The following GRIN3A variants were observed in gnomAD, a reference collection of about 807,000 sequenced individuals.
The protein encoded by GRIN3A is glutamate ionotropic receptor NMDA type subunit 3A, also known as glutamate receptor ionotropic, NMDA 3A.
Under a neutral mutation model 92.4 loss-of-function variants are expected in GRIN3A, and 47 were observed. The ratio of observed to expected loss-of-function variants is 0.51; its 90% CI spans 0.40 to 0.65. The LOEUF (loss-of-function observed/expected upper bound fraction) is 0.65, where lower values mean the gene tolerates loss of function less well. GRIN3A is among the 30% of genes least tolerant of loss of function. GRIN3A has a pLI of 0.00. For synonymous variants in GRIN3A, 527 were observed against 540.6 expected (o/e 0.97, Z 0.35); for missense variants, 1,324 against 1,393.1 (o/e 0.95, Z 0.79).
At chr9:101,645,663 C>A (rs1828928050) in intron 3 of GRIN3A, among the ~76,000 whole-genome samples, 1 of 149,318 alleles carries the variant, frequency 6.7e-6, no homozygotes, top group Admixed American at 6.7e-5. Context: ...TCCAATTTCT[C>A]TGCATCCTTG....
chr9:101,683,673 C>T (rs1829491272), intron 2 of GRIN3A, among the ~76,000 whole-genome samples: 2 of 152,108 alleles, frequency 1.3e-5, no homozygotes, highest in South Asian at 4.1e-4. Flanking sequence ...GTTCATTTCT[C>T]AAACACATTC....
intron 6 of GRIN3A, among the ~76,000 whole-genome samples, chr9:101,590,647 G>A (rs947115601): frequency 2.6e-5 from 4 of 151,702 alleles, no homozygotes; most frequent in African/African-American, 7.3e-5. Context: ...CCCAAAGTGC[G>A]GGGATTACAG....
At chr9:101,694,031 A>T (rs1056677000) in intron 1 of GRIN3A, among the ~76,000 whole-genome samples, 2 of 152,200 alleles carry the variant, frequency 1.3e-5, no homozygotes, top group African/African-American at 4.8e-5. Context: ...AGAGCAGTAC[A>T]ATATAATGAA....
chr9:101,688,935 A>C (rs1203526854), intron 1 of GRIN3A, among the ~76,000 whole-genome samples: 1 of 152,130 alleles, frequency 6.6e-6, no homozygotes, highest in Non-Finnish European at 1.5e-5. Context: ...AAAAGAGAGA[A>C]AGGTCTCAAA....
At chr9:101,626,055 T>C (rs916433554) in intron 4 of GRIN3A, among the ~76,000 whole-genome samples, 32 of 152,302 alleles carry the variant, frequency 2.1e-4, no homozygotes, top group African/African-American at 5.1e-4. Flanking sequence ...TCAGACTCCA[T>C]TGGGACCCTG....
intron 6 of GRIN3A, among the ~76,000 whole-genome samples, chr9:101,586,072 T>C (rs1484664062): frequency 6.6e-6 from 1 of 152,232 alleles, no homozygotes; most frequent in Non-Finnish European, 1.5e-5. Context: ...TCAATATTGC[T>C]CCTTCCCTCA....
At chr9:101,696,677 G>A (rs1829688948) in intron 1 of GRIN3A, among the ~76,000 whole-genome samples, 1 of 152,096 alleles carries the variant, frequency 6.6e-6, no homozygotes, top group South Asian at 2.1e-4. Context: ...GGGAACTATT[G>A]AAATATGCAC....
In GRIN3A at chr9:101,577,864, C is replaced by A. The variant is rs1405491043; in HGVS notation, c.2932-20G>T. 4.5e-6 allele frequency: 7 copies of A among 1,566,776 alleles called. No individual in the cohort carries two copies. The highest frequency in any genetic ancestry group is 1.4e-5 in the African/African-American group (1 of 74,072). The stretch of plus-strand genomic sequence containing the variant: ...TAATCTCTGATGGAGAAAACAGATT[C>A]ACAGGTAGAAATTATGAGAAACACA... On this transcript the variant is annotated intron_variant, in intron 7 of 8. Transcript: ENST00000361820.
intron 6 of GRIN3A, among the ~76,000 whole-genome samples, chr9:101,603,883 G>A (rs545325624): frequency 6.6e-6 from 1 of 152,216 alleles, no homozygotes; most frequent in Non-Finnish European, 1.5e-5. Flanking sequence ...TCCGCTACAG[G>A]GGTTACCTCC....
At chr9:101,715,841 C>T (rs918490778) in intron 1 of GRIN3A, among the ~76,000 whole-genome samples, 8 of 152,006 alleles carry the variant, frequency 5.3e-5, no homozygotes, top group Non-Finnish European at 8.8e-5. Context: ...CCCAGAAAAA[C>T]AAAAATTGGA....
chr9:101,678,486 G>A (rs1019173533), intron 2 of GRIN3A, among the ~76,000 whole-genome samples: 12 of 152,132 alleles, frequency 7.9e-5, no homozygotes, highest in East Asian at 3.9e-4. Context: ...TTGCATACAA[G>A]GCTCATCTTT....
intron 1 of GRIN3A, among the ~76,000 whole-genome samples, chr9:101,697,693 T>C (rs890913517): frequency 3.3e-5 from 5 of 152,208 alleles, no homozygotes; most frequent in African/African-American, 9.6e-5. Flanking sequence ...AGTGCACTTA[T>C]GACTTTGTCA....
intron 6 of GRIN3A, 61 bp downstream of exon 6, chr9:101,613,315 C>G (rs1312755586): frequency 6.5e-7 from 1 of 1,542,444 alleles, no homozygotes; most frequent in Non-Finnish European, 9.0e-7. Flanking sequence ...AATAGCATTT[C>G]CTTATGTTCT....
intron 6 of GRIN3A, among the ~76,000 whole-genome samples, chr9:101,603,519 T>C (rs1564123890): frequency 6.6e-6 from 1 of 152,186 alleles, no homozygotes; most frequent in Non-Finnish European, 1.5e-5. Flanking sequence ...AGTCAAATCC[T>C]GGTATGTTGC....
intron 2 of GRIN3A, among the ~76,000 whole-genome samples, chr9:101,676,725 T>C (rs1169679455): frequency 1.3e-5 from 2 of 152,150 alleles, no homozygotes; most frequent in Non-Finnish European, 2.9e-5. Context: ...CTCCTATACA[T>C]GGAATTTAAA....
At chr9:101,735,030 A>G (rs1454340922) in intron 1 of GRIN3A, among the ~76,000 whole-genome samples, 1 of 151,934 alleles carries the variant, frequency 6.6e-6, no homozygotes, top group African/African-American at 2.4e-5. Flanking sequence ...GAAGCAAGGG[A>G]AAGATCAGTT....
At chr9:101,638,066 T>C (rs1828807563) in intron 3 of GRIN3A, among the ~76,000 whole-genome samples, 1 of 152,240 alleles carries the variant, frequency 6.6e-6, no homozygotes, top group South Asian at 2.1e-4. Context: ...TATTTTCTTT[T>C]CTAAGGAATA....
At chr9:101,637,802 C>T (rs980257091) in intron 3 of GRIN3A, among the ~76,000 whole-genome samples, 1 of 152,112 alleles carries the variant, frequency 6.6e-6, no homozygotes, top group African/African-American at 2.4e-5. Flanking sequence ...TGTATCCAAA[C>T]ATTATACTGT....
intron 5 of GRIN3A, 43 bp from the exon 6 acceptor site, chr9:101,613,570 C>T (rs1251482127): frequency 1.9e-6 from 3 of 1,596,096 alleles, no homozygotes; most frequent in Non-Finnish European, 2.6e-6. Context: ...TACACCCTTC[C>T]TGAGAGATTG....
Sources: allele counts gnomAD v4.1 joint callset (sites outside exome capture counted in the v4.1 genomes callset), GRCh38; gene constraint gnomAD v4.1.1; transcripts MANE v1.5; gene names NCBI Gene and HGNC (gene_info 2026-07-23, HGNC 2026-07-21).